The following SLC2A11 variants were observed in gnomAD, a reference collection of about 807,000 sequenced individuals.
The protein encoded by SLC2A11 is solute carrier family 2 member 11, also known as solute carrier family 2, facilitated glucose transporter member 11.
A neutral mutation model predicts 52.1 loss-of-function variants in SLC2A11; 43 were observed. The ratio of observed to expected loss-of-function variants is 0.82; its 90% CI spans 0.65 to 1.06. The LOEUF (loss-of-function observed/expected upper bound fraction) is 1.06. SLC2A11 is among the 50% of genes least tolerant of loss of function. SLC2A11 has a pLI of 0.00. For missense variants in SLC2A11, 582 were observed against 654.2 expected (o/e 0.89, Z 1.20); for synonymous variants, 261 against 277.6 (o/e 0.94, Z 0.59).
chr22:23,872,613 C>G (rs193262142), intron 3 of SLC2A11: 7 of 152,314 alleles, frequency 4.6e-5, no homozygotes, highest in Admixed American at 3.9e-4. Context: ...TAGCACCACT[C>G]AAAGCTACCA....
Position 23,883,815 on chromosome 22 carries a change from G to A in SLC2A11, c.1037G>A (p.Gly346Asp), listed in dbSNP as rs776714894. 14 of 1,566,678 alleles carry A rather than the reference G, an allele frequency of 8.9e-6. No homozygotes were observed. The South Asian group carries it at 1.3e-4, about 15-fold the overall frequency. The change falls in exon 9 of 12, where the codon GGT (glycine) becomes GAT (aspartate). Residue 346 changes from glycine (G) to aspartate (D), a missense_variant. Coordinates refer to ENST00000316185, the MANE Select transcript of SLC2A11 (RefSeq NM_001024939.4). The stretch of plus-strand genomic sequence containing the variant: ...GTGGGTCGGCGCGTGCTGCTCATCG[G>A]TGGGTACAGCCTGATGACCTGCTGG... ...ERVGRRVLLI[G>D]GYSLMTCWGS...
chr22:23,857,392 T>C (rs1043187095), upstream of SLC2A11: 25 of 1,554,796 alleles, frequency 1.6e-5, no homozygotes, highest in Non-Finnish European at 4.4e-6. Flanking sequence ...CGAGATGACC[T>C]TGGACCAGAG....
rs754365418 is a variant in SLC2A11 at position 23,877,098 on chromosome 22, C to T, written c.472C>T (p.Arg158Ter). 12 of 1,613,842 alleles carry T rather than the reference C, an allele frequency of 7.4e-6. No individual in the cohort carries two copies. The highest frequency in any genetic ancestry group is 5.5e-5 in the South Asian group (5 of 91,074). The change falls in exon 5 of 12, where the codon CGA (arginine) becomes TGA (stop). Residue 158 changes from arginine (R) to a stop codon, truncating the protein, a stop_gained. Coordinates refer to ENST00000316185, the MANE Select transcript of SLC2A11 (RefSeq NM_001024939.4). LOFTEE classifies it high-confidence loss of function. ...YLGESAPKEL[R>*]GAVAMSSAIF... ...GGGGGAGAGCGCCCCTAAGGAGCTC[C>T]GAGGAGCTGTGGCCATGAGCTCAGC... is the stretch of plus-strand genomic sequence containing the variant.
At position 23,884,910 on chromosome 22, in the gene SLC2A11, G is replaced by A. The variant is rs2032953249; in HGVS notation, c.*61G>A. ...GTCCTGTCCTCTGCTTCCTGCCAGGGCCCTGGTCCTCACTCCCTCCTGCAT... is the reference window on the plus strand; with the variant it reads ...GTCCTGTCCTCTGCTTCCTGCCAGGACCCTGGTCCTCACTCCCTCCTGCAT... On this transcript the variant is annotated 3_prime_UTR_variant, in exon 12 of 12. Transcript: ENST00000316185. The surrounding 1 kb of genome is among the most constrained non-coding windows in gnomAD (Gnocchi z 4.3). The A allele has an allele frequency of 1.4e-6, 2 of 1,438,548 alleles. No individual in the cohort carries two copies. The highest frequency in any genetic ancestry group is 4.6e-5 in the East Asian group (2 of 43,774). 89.1% of individuals were successfully genotyped at this position (1,438,548 alleles called of 1,614,324 possible). A position where few individuals can be genotyped will look rare whatever the true frequency, so the allele number is the denominator to read the frequency against.
chr22:23,870,524 C>T (rs572832221), intron 3 of SLC2A11: 2 of 155,820 alleles, frequency 1.3e-5, no homozygotes, highest in African/African-American at 4.8e-5. Context: ...ACTGAGTAAG[C>T]ACCGGGATGG....
upstream of SLC2A11, chr22:23,857,400 G>A (rs564058579): frequency 1.3e-6 from 2 of 1,588,136 alleles, no homozygotes; most frequent in South Asian, 2.3e-5. Context: ...CCTTGGACCA[G>A]AGCTCCCTTC....
chr22:23,877,783 C>T lies in SLC2A11; in HGVS notation c.608C>T (p.Ala203Val), dbSNP rs149046335. 1,403 of 1,608,800 alleles carry T rather than the reference C, an allele frequency of 8.7e-4. No individual in the cohort carries two copies. The highest frequency in any genetic ancestry group is 1.1e-3 in the Non-Finnish European group (1,308 of 1,177,846). ...LLLASCLVPG[A>V]LQLASLPLLP... ...CTGGCCAGCTGCCTGGTGCCCGGGGCGCTCCAGCTCGCCTCCCTGCCTCTG... is the reference window on the plus strand; with the variant it reads ...CTGGCCAGCTGCCTGGTGCCCGGGGTGCTCCAGCTCGCCTCCCTGCCTCTG... The change falls in exon 6 of 12, where the codon GCG (alanine) becomes GTG (valine). Residue 203 changes from alanine to valine, a missense_variant. Physicochemically the swap from Ala to Val is moderately conservative, Grantham distance 64. Coordinates refer to ENST00000316185, the MANE Select transcript of SLC2A11 (RefSeq NM_001024939.4).
intron 3 of SLC2A11, 33 bp from the exon 4 acceptor site, chr22:23,875,084 G>C (rs1311310304): frequency 1.3e-6 from 2 of 1,518,870 alleles, no homozygotes; most frequent in African/African-American, 1.4e-5. Context: ...CTGAATCACA[G>C]CCTCTCTTTC....
intron 8 of SLC2A11, 134 bp from the exon 9 acceptor site, chr22:23,883,638 A>G (rs2032902572): frequency 1.5e-6 from 1 of 683,380 alleles, no homozygotes; most frequent in African/African-American, 1.9e-5. Context: ...TTGGGAAATT[A>G]ATAAAGTCAC....
intron 2 of SLC2A11, chr22:23,868,255 G>A: frequency 1.7e-6 from 1 of 572,060 alleles, no homozygotes; most frequent in South Asian, 2.4e-5. Context: ...CGAGTCCAGT[G>A]CTAGGCTCTG....
In SLC2A11 at chr22:23,884,912, C is replaced by T; in HGVS notation, c.*63C>T. On this transcript the variant is annotated 3_prime_UTR_variant, in exon 12 of 12. Coordinates refer to ENST00000316185, the MANE Select transcript of SLC2A11 (RefSeq NM_001024939.4). The surrounding 1 kb of genome is among the most constrained non-coding windows in gnomAD (Gnocchi z 4.3). ...CCTGTCCTCTGCTTCCTGCCAGGGC[C>T]CTGGTCCTCACTCCCTCCTGCATTC... 7.1e-7 allele frequency: 1 copy of T among 1,417,136 alleles called. No individual in the cohort carries two copies. 87.8% of individuals were successfully genotyped at this position (1,417,136 alleles called of 1,614,324 possible).
At chr22:23,864,320 TTTTA>T (rs927935261) in intron 2 of SLC2A11, among the ~76,000 whole-genome samples, 192 of 152,278 alleles carry the variant, frequency 1.3e-3, no homozygotes, top group African/African-American at 4.3e-3. Context: ...TTGGTTTATT[TTTTA>T]TTTATTTATT....
Position 23,875,167 on chromosome 22 carries a change from T to C in SLC2A11, c.341T>C (p.Leu114Pro). The change falls in exon 4 of 12, where the codon CTG becomes CCG. Residue 114 changes from leucine (L) to proline (P), a missense_variant. By Grantham distance (98) the Leu-to-Pro change is moderately conservative (BLOSUM62 -3). Transcript: ENST00000316185. ...NNIFVVSAAI[L>P]FGFSRKAGSF... is the part of the protein sequence containing the mutation. ...ATCTTTGTGGTGTCAGCAGCAATCC[T>C]GTTTGGATTCAGCCGCAAAGCAGGC... 6.3e-7 allele frequency: 1 copy of C among 1,593,774 alleles called. No homozygotes were observed. The highest frequency in any genetic ancestry group is 8.6e-7 in the Non-Finnish European group (1 of 1,169,512).
intron 3 of SLC2A11, among the ~76,000 whole-genome samples, chr22:23,874,452 A>C (rs1280096394): frequency 8.2e-6 from 1 of 121,330 alleles, no homozygotes. Context: ...ATGCATGGCT[A>C]ATTTTTTTTT....
At chr22:23,883,532 G>A in intron 8 of SLC2A11, 1 of 495,618 alleles carries the variant, frequency 2.0e-6, no homozygotes, top group Non-Finnish European at 3.5e-6. Context: ...GAGTTAGAGA[G>A]CATCTATTGA....
chr22:23,858,944 G>T (rs1456942949), intron 1 of SLC2A11, among the ~76,000 whole-genome samples: 1 of 152,172 alleles, frequency 6.6e-6, no homozygotes, highest in Non-Finnish European at 1.5e-5. Flanking sequence ...TAATAGGGAG[G>T]CAATAAATCT....
Position 23,857,925 on chromosome 22 carries a change from GC to G in SLC2A11, c.-73del. ...CTGCCCTTCCCTCCGCGCACAGGCTGCCGGCTCACCGCTTGCTAATGGCAGC... is the reference window on the plus strand; with the variant it reads ...CTGCCCTTCCCTCCGCGCACAGGCTGCGGCTCACCGCTTGCTAATGGCAGC... On this transcript the variant is annotated 5_prime_UTR_variant, in exon 1 of 12. Transcript: ENST00000316185. 2.5e-6 allele frequency: 4 copies of G among 1,588,970 alleles called. No individual in the cohort carries two copies. The highest frequency in any genetic ancestry group is 2.3e-4 in the Middle Eastern group (1 of 4,414).
Position 23,869,612 on chromosome 22 carries a change from T to C in SLC2A11, c.290+971T>C, listed in dbSNP as rs144133601. The C allele has an allele frequency of 6.7e-3, 1,261 of 187,586 alleles. 13 individuals carry two copies. Among genetic ancestry groups the C allele is most frequent in the African/African-American group, 0.029 (1,211 of 42,288 alleles). 11.6% of individuals were successfully genotyped at this position (187,586 alleles called of 1,614,324 possible). Reference sequence around the variant, plus strand: ...CTGCAGTGAGCCTTGATTGTGCCACTGTACTCCAGCCTGGATGACACAGTG... The same window carrying C: ...CTGCAGTGAGCCTTGATTGTGCCACCGTACTCCAGCCTGGATGACACAGTG... On this transcript the variant is annotated intron_variant, in intron 3 of 11. Transcript: ENST00000316185.
rs1371254477 is a variant in SLC2A11 at position 23,884,270 on chromosome 22, C to T, written c.1172-32C>T. ...GGAGAGGCAGGCAGGGAACCCTGGC[C>T]AGCAGCCCCCTGTCCCTGCCCCTCC... On this transcript the variant is annotated intron_variant, in intron 10 of 11. Coordinates refer to ENST00000316185, the MANE Select transcript of SLC2A11 (RefSeq NM_001024939.4). This position sits in a 1 kb window ranked among gnomAD's most constrained non-coding sequence, Gnocchi z 4.3. The T allele has an allele frequency of 6.3e-7, 1 of 1,596,990 alleles. No individual in the cohort carries two copies. Among genetic ancestry groups the T allele is most frequent in the South Asian group, 1.1e-5 (1 of 89,084 alleles).
Sources: gnomAD v4.1 joint callset for allele counts (sites outside exome capture counted in the v4.1 genomes callset) on GRCh38, gnomAD v4.1.1 for gene constraint, Gnocchi (gnomAD v3.1) non-coding constraint, MANE v1.5 for transcripts, NCBI Gene and HGNC (gene_info 2026-07-23, HGNC 2026-07-21) for gene names.